The following ZMIZ1 variants were observed in gnomAD, a reference collection of about 807,000 sequenced individuals.
The protein encoded by ZMIZ1 is zinc finger MIZ domain-containing protein 1.
ZMIZ1 carries 17 observed loss-of-function variants against 113.9 expected under a neutral mutation model. The ratio of observed to expected loss-of-function variants is 0.15; its 90% confidence interval spans 0.10 to 0.22. The LOEUF is 0.22. ZMIZ1 is among the 10% of genes least tolerant of loss of function. The probability of loss-of-function intolerance (pLI) is 1.00; values close to 1 mark genes in which losing one functional copy is unlikely to be tolerated. For missense variants in ZMIZ1, 1,059 were observed against 1,477.8 expected, an observed-to-expected ratio of 0.72 and a Z score of 4.65; for synonymous variants, 607 against 603.1, an observed-to-expected ratio of 1.01 and a Z score of -0.09.
chr10:79,194,057 G>A (rs1053127079), intron 4 of ZMIZ1, among the ~76,000 whole-genome samples: 1 of 152,212 alleles, frequency 6.6e-6, no homozygotes, highest in South Asian at 2.1e-4. Context: ...GCTGTGTCTT[G>A]GAACGCAGCC....
Position 79,216,280 on chromosome 10 carries a change from T to C in ZMIZ1, c.280+6T>C. 6.3e-7 allele frequency: 1 copy of C among 1,584,662 alleles called. No homozygotes were observed. Among genetic ancestry groups the C allele is most frequent in the Admixed American group, 1.8e-5 (1 of 56,272 alleles). On this transcript the variant is annotated splice_donor_region_variant and intron_variant, in intron 7 of 24. Coordinates refer to ENST00000334512, the MANE Select transcript of ZMIZ1 (RefSeq NM_020338.4). Reference sequence around the variant, plus strand: ...GTTCACCCCGAAGTCTGCCGGTAGGTGTCCGTGGGGGACTCTGCGATGTCA... The same window carrying C: ...GTTCACCCCGAAGTCTGCCGGTAGGCGTCCGTGGGGGACTCTGCGATGTCA...
chr10:79,106,300 G>A (rs1212712324), intron 1 of ZMIZ1, among the ~76,000 whole-genome samples: 2 of 152,224 alleles, frequency 1.3e-5, no homozygotes, highest in African/African-American at 2.4e-5. Flanking sequence ...CCACTAACAG[G>A]GACATCAAGT....
In ZMIZ1 at chr10:79,089,940, A is replaced by G. The variant is rs549420033; in HGVS notation, c.-337+20670A>G. On this transcript the variant is annotated intron_variant, in intron 1 of 24. Transcript: ENST00000334512. ...TTTTATTTCTGTGGCTCTCCTTTCAAGCTGTCACGGTAAATCTATTTTACT... is the reference window on the plus strand; with the variant it reads ...TTTTATTTCTGTGGCTCTCCTTTCAGGCTGTCACGGTAAATCTATTTTACT... 9.8e-5 allele frequency among the ~76,000 whole-genome samples: 15 copies of G among 152,350 alleles called. No individual in the cohort carries two copies. The South Asian group carries it at 3.1e-3, about 32-fold the overall frequency.
intron 4 of ZMIZ1, among the ~76,000 whole-genome samples, chr10:79,199,645 T>C (rs1048053420): frequency 3.9e-5 from 6 of 152,192 alleles, no homozygotes; most frequent in African/African-American, 1.4e-4. Flanking sequence ...CAAGAAATAG[T>C]GTGTGTAGAT....
At chr10:79,252,335 C>T (rs1850605564) in intron 7 of ZMIZ1, among the ~76,000 whole-genome samples, 1 of 152,182 alleles carries the variant, frequency 6.6e-6, no homozygotes, top group Non-Finnish European at 1.5e-5. Context: ...TGGATAAGAT[C>T]TTTCTCCTCA....
At chr10:79,168,296 C>T (rs149184482) in intron 4 of ZMIZ1, among the ~76,000 whole-genome samples, 4 of 152,370 alleles carry the variant, frequency 2.6e-5, no homozygotes, top group Admixed American at 6.5e-5. Context: ...CTCCTCCCAC[C>T]AGCAAGGGCT....
rs192015202 is a variant in ZMIZ1 at position 79,231,184 on chromosome 10, G to A, written c.280+14910G>A. Among the ~76,000 whole-genome samples, 138 of 152,368 alleles carry A rather than the reference G, an allele frequency of 9.1e-4. No homozygotes were observed. In the East Asian group the frequency reaches 0.025, roughly 27 times the overall value. On this transcript the variant is annotated intron_variant, in intron 7 of 24. Transcript: ENST00000334512. ...AGCTGCTACACAGGGGCCACCTGAG[G>A]CCATGCGTGACACACACCCAGAACT...
intron 1 of ZMIZ1, among the ~76,000 whole-genome samples, chr10:79,105,405 A>G (rs1843519913): frequency 6.6e-6 from 1 of 152,196 alleles, no homozygotes; most frequent in Admixed American, 6.5e-5. Flanking sequence ...TCTTCTGTGT[A>G]ACAGACCTGT....
At chr10:79,102,877 A>G (rs1843413485) in intron 1 of ZMIZ1, among the ~76,000 whole-genome samples, 1 of 152,230 alleles carries the variant, frequency 6.6e-6, no homozygotes, top group Non-Finnish European at 1.5e-5. Context: ...ACCAACACTT[A>G]TTAAATGTTA....
chr10:79,099,818 T>G (rs565274991), intron 1 of ZMIZ1, among the ~76,000 whole-genome samples: 9 of 151,972 alleles, frequency 5.9e-5, no homozygotes, highest in Non-Finnish European at 1.0e-4. Context: ...GAGCTACAGG[T>G]GCATTTGAAA....
At chr10:79,311,323 G>A in intron 24 of ZMIZ1, 139 bp downstream of exon 24, 1 of 1,091,324 alleles carries the variant, frequency 9.2e-7, no homozygotes, top group South Asian at 1.6e-5. Context: ...ACCCAGACCT[G>A]GCTCCAGACC....
rs144122159 is a variant in ZMIZ1, at chr10:79,191,095, G to A, written c.-49-10489G>A. On this transcript the variant is annotated intron_variant, in intron 4 of 24. Transcript: ENST00000334512. ...CCTGCTATGGGTGTGGGAGGTGGAG[G>A]GTTGTATGGATGCCACCTCCACCTC... Among the ~76,000 whole-genome samples, 122 of 152,266 alleles carry A rather than the reference G, an allele frequency of 8.0e-4. 1 individual carries two copies. Among genetic ancestry groups the A allele is most frequent in the African/African-American group, 2.8e-3 (116 of 41,548 alleles).
At chr10:79,171,507 C>T (rs1023558258) in intron 4 of ZMIZ1, among the ~76,000 whole-genome samples, 51 of 152,354 alleles carry the variant, frequency 3.3e-4, no homozygotes, top group Middle Eastern at 3.4e-3. Flanking sequence ...CTCAGTAAGG[C>T]AGCAGTATTT....
intron 5 of ZMIZ1, among the ~76,000 whole-genome samples, chr10:79,203,447 C>G (rs1325106271): frequency 6.6e-6 from 1 of 152,186 alleles, no homozygotes; most frequent in Non-Finnish European, 1.5e-5. Flanking sequence ...CACACTCCCT[C>G]CTCCCACTCA....
At chr10:79,222,225 T>G (rs1267081709) in intron 7 of ZMIZ1, among the ~76,000 whole-genome samples, 2 of 152,196 alleles carry the variant, frequency 1.3e-5, no homozygotes, top group African/African-American at 4.8e-5. Flanking sequence ...ATTCACTGTT[T>G]AGGAAATTTG....
At chr10:79,240,163 CG>C (rs1849756226) in intron 7 of ZMIZ1, among the ~76,000 whole-genome samples, 1 of 116,388 alleles carries the variant, frequency 8.6e-6, no homozygotes. Flanking sequence ...AGCCGCAGCG[CG>C]GGGGCTGCAG....
chr10:79,182,794 C>T (rs1447381509), intron 4 of ZMIZ1, among the ~76,000 whole-genome samples: 1 of 152,342 alleles, frequency 6.6e-6, no homozygotes, highest in East Asian at 1.9e-4. Flanking sequence ...TCTCCAGGGT[C>T]TCCATGGCGA....
intron 4 of ZMIZ1, among the ~76,000 whole-genome samples, chr10:79,165,545 G>T (rs1348624647): frequency 6.6e-6 from 1 of 152,206 alleles, no homozygotes; most frequent in African/African-American, 2.4e-5. Context: ...ATATTCATGA[G>T]TATTCAAGGA....
intron 7 of ZMIZ1, among the ~76,000 whole-genome samples, chr10:79,264,710 G>A (rs1165596033): frequency 1.3e-5 from 2 of 152,190 alleles, no homozygotes; most frequent in African/African-American, 2.4e-5. Context: ...TCTGAGGAAC[G>A]AGGAAATGTG....
Sources: allele counts gnomAD v4.1 joint callset (sites outside exome capture counted in the v4.1 genomes callset), GRCh38; gene constraint gnomAD v4.1.1; transcripts MANE v1.5; gene names NCBI Gene and HGNC (gene_info 2026-07-23, HGNC 2026-07-21).